UEVLD: variants seen among roughly 807,000 people sequenced by gnomAD.
UEVLD encodes UEV and lactate/malate dehyrogenase domains.
A neutral mutation model predicts 58.6 loss-of-function variants in UEVLD; 47 were observed. That is an observed-to-expected ratio of 0.80 (90% CI 0.63 to 1.02). The LOEUF (loss-of-function observed/expected upper bound fraction) is 1.02, where lower values mean the gene tolerates loss of function less well. UEVLD is among the 50% of genes least tolerant of loss of function. The pLI, the probability that UEVLD is intolerant of heterozygous loss-of-function variation, is 0.00. For synonymous variants in UEVLD, 197 were observed against 195.3 expected, an observed-to-expected ratio of 1.01 and a Z score of -0.07; for missense variants, 510 against 550.6, an observed-to-expected ratio of 0.93 and a Z score of 0.74.
At chr11:18,581,306 T>G (rs1480972275) in intron 1 of UEVLD, among the ~76,000 whole-genome samples, 2 of 152,028 alleles carry the variant, frequency 1.3e-5, no homozygotes, top group Admixed American at 1.3e-4. Context: ...AACTACAAAT[T>G]GACACAAAGA....
intron 5 of UEVLD, among the ~76,000 whole-genome samples, chr11:18,565,324 A>C (rs17392588): frequency 0.1 from 15,818 of 152,280 alleles, 813 homozygotes; most frequent in Admixed American, 0.11. Flanking sequence ...CTGGTCTACA[A>C]TAAAAAAATA....
intron 4 of UEVLD, among the ~76,000 whole-genome samples, chr11:18,567,716 T>G (rs1340793988): frequency 6.6e-6 from 1 of 152,246 alleles, no homozygotes; most frequent in East Asian, 1.9e-4. Context: ...CTGGCCTAGA[T>G]GACCTCTAGA....
intron 1 of UEVLD, among the ~76,000 whole-genome samples, chr11:18,582,823 T>C (rs982872357): frequency 4.6e-5 from 7 of 152,156 alleles, no homozygotes; most frequent in Non-Finnish European, 8.8e-5. Flanking sequence ...CTAAAAGTAA[T>C]ACAATTACAT....
chr11:18,534,451 G>A lies in UEVLD; in HGVS notation c.1127C>T (p.Ala376Val). The change falls in exon 11 of 12, where the codon GCC becomes GTC. Residue 376 changes from alanine to valine, a missense_variant and splice_region_variant. Transcript: ENST00000396197. Reference sequence around the variant, plus strand: ...ACCTTTTACTCTTAGCAGTTCCATGGCTCTAGGTTACAAAAATACGTGATC... The same window carrying A: ...ACCTTTTACTCTTAGCAGTTCCATGACTCTAGGTTACAAAAATACGTGATC... ...HTSQVQLSNR[A>V]MELLRVKGQR... The A allele has an allele frequency of 6.4e-7, 1 of 1,562,362 alleles. No homozygotes were observed. The highest frequency in any genetic ancestry group is 8.6e-7 in the Non-Finnish European group (1 of 1,164,526).
intron 5 of UEVLD, 88 bp from the exon 6 acceptor site, chr11:18,565,098 A>C: frequency 1.1e-6 from 1 of 930,558 alleles, no homozygotes; most frequent in Non-Finnish European, 1.6e-6. Flanking sequence ...CAGGCTTCAT[A>C]GCTTAGAGAG....
At chr11:18,560,685 GA>G (rs1355546588) in intron 6 of UEVLD, among the ~76,000 whole-genome samples, 4 of 152,142 alleles carry the variant, frequency 2.6e-5, no homozygotes, top group African/African-American at 9.6e-5. Context: ...ATCAATCCGT[GA>G]AGCATATATT....
chr11:18,577,497 C>T (rs1482882348), intron 2 of UEVLD, among the ~76,000 whole-genome samples: 2 of 152,186 alleles, frequency 1.3e-5, no homozygotes, highest in Non-Finnish European at 2.9e-5. Flanking sequence ...GTACAGGAAA[C>T]ACTATCTCTG....
chr11:18,570,383 T>G lies in UEVLD; in HGVS notation c.194-6A>C. 1 of 1,516,234 alleles carries G rather than the reference T, an allele frequency of 6.6e-7. No individual in the cohort carries two copies. Among genetic ancestry groups the G allele is most frequent in the Non-Finnish European group, 8.8e-7 (1 of 1,138,802 alleles). 93.9% of individuals were successfully genotyped at this position (1,516,234 alleles called of 1,614,324 possible). On this transcript the variant is annotated splice_region_variant and splice_polypyrimidine_tract_variant and intron_variant, in intron 3 of 11. Transcript: ENST00000396197. Reference sequence around the variant, plus strand: ...TGGTATGTTATATGTATTACCTATTTGAGACAAAAGAAACATATCTTCAAA... The same window carrying G: ...TGGTATGTTATATGTATTACCTATTGGAGACAAAAGAAACATATCTTCAAA...
chr11:18,568,458 C>T (rs10219146), intron 4 of UEVLD, among the ~76,000 whole-genome samples: 134,445 of 152,190 alleles, frequency 0.88, 59,414 homozygotes, highest in East Asian at 0.93. Context: ...AAGAAACGTA[C>T]GATTGATAAG....
At chr11:18,534,284 A>AATAG in intron 11 of UEVLD, 46 bp downstream of exon 11, 13 of 1,349,826 alleles carry the variant, frequency 9.6e-6, no homozygotes, top group Non-Finnish European at 1.3e-5. Flanking sequence ...TTGTATTAAT[A>AATAG]ATATCTAAGT....
Position 18,567,081 on chromosome 11 carries a change from A to G in UEVLD, c.358-599T>C, listed in dbSNP as rs138641825. Among the ~76,000 whole-genome samples the G allele has an allele frequency of 3.4e-3, 515 of 152,334 alleles. 4 individuals carry two copies. The highest frequency in any genetic ancestry group is 5.8e-3 in the Admixed American group (89 of 15,278). ...CAAACTGAACAAGTAAACTGCAAAC[A>G]TGATGTCCTTTTACCCCTAAGTACT... On this transcript the variant is annotated intron_variant, in intron 4 of 11. Transcript: ENST00000396197.
chr11:18,557,620 C>A (rs1851813341), intron 7 of UEVLD, among the ~76,000 whole-genome samples: 1 of 149,364 alleles, frequency 6.7e-6, no homozygotes, highest in Non-Finnish European at 1.5e-5. Context: ...TGGCTATTCA[C>A]AGTCACAATC....
At chr11:18,566,254 T>C in intron 5 of UEVLD, 93 bp downstream of exon 5, 2 of 1,544,712 alleles carry the variant, frequency 1.3e-6, no homozygotes, top group Admixed American at 3.9e-5. Flanking sequence ...CACAAATTTA[T>C]TTATAAAAAT....
chr11:18,552,504 A>G (rs1590331840), intron 7 of UEVLD, among the ~76,000 whole-genome samples: 1 of 152,076 alleles, frequency 6.6e-6, no homozygotes, highest in Non-Finnish European at 1.5e-5. Context: ...CCGAGATGGC[A>G]CCACTGCACT....
intron 7 of UEVLD, among the ~76,000 whole-genome samples, chr11:18,551,181 C>A (rs1211418196): frequency 6.6e-6 from 1 of 152,134 alleles, no homozygotes; most frequent in Non-Finnish European, 1.5e-5. Context: ...GTAATCCCAG[C>A]ACTTTGGGAG....
In UEVLD at chr11:18,536,437, TCA is replaced by T; in HGVS notation, c.1091_1092del (p.Val364GlufsTer32). On this transcript the variant is annotated frameshift_variant, in exon 10 of 12. Transcript: ENST00000396197. LOFTEE classifies it high-confidence loss of function. ...GACAGCTGCACTTGAGAGGTATGACTCACTACTTCTTCTTGGCCACTCCATGT... is the reference window on the plus strand; with the variant it reads ...GACAGCTGCACTTGAGAGGTATGACTCTACTTCTTCTTGGCCACTCCATGT... ...VLTWSGQEEVVSHTSQVQLSN... is the reference protein window; with the variant it reads ...VLTWSGQEEVXSHTSQVQLSN... 2 of 1,613,936 alleles carry T rather than the reference TCA, an allele frequency of 1.2e-6. No individual in the cohort carries two copies. Among genetic ancestry groups the T allele is most frequent in the Non-Finnish European group, 1.7e-6 (2 of 1,179,902 alleles).
intron 7 of UEVLD, among the ~76,000 whole-genome samples, chr11:18,556,666 CT>C (rs1471427326): frequency 1.3e-5 from 2 of 151,980 alleles, no homozygotes; most frequent in Admixed American, 6.6e-5. Flanking sequence ...GGCCTTTTTT[CT>C]TTTTTTTGGA....
chr11:18,541,982 C>G (rs1463850994), intron 9 of UEVLD, among the ~76,000 whole-genome samples: 4 of 152,114 alleles, frequency 2.6e-5, no homozygotes, highest in Non-Finnish European at 4.4e-5. Flanking sequence ...TTCCAGCTCT[C>G]TAATAACGTG....
At position 18,588,196 on chromosome 11, in the gene UEVLD, T is replaced by G. The variant is rs754468236; in HGVS notation, c.42+417A>C. 1.4e-4 allele frequency among the ~76,000 whole-genome samples: 19 copies of G among 131,504 alleles called. 1 individual carries two copies. Among genetic ancestry groups the G allele is most frequent in the Non-Finnish European group, 3.0e-4 (19 of 63,058 alleles). The allele number at this position is 131,504 out of a possible 152,430, so 86.3% of individuals were successfully genotyped here. A position where few individuals can be genotyped will look rare whatever the true frequency, so the allele number is the denominator to read the frequency against. Reference sequence around the variant, plus strand: ...ACTCCACAATGTGATAATCGATATCTTTCAAAACAGAAGGGTTGATTCAAT... The same window carrying G: ...ACTCCACAATGTGATAATCGATATCGTTCAAAACAGAAGGGTTGATTCAAT... On this transcript the variant is annotated intron_variant, in intron 1 of 11. Coordinates refer to ENST00000396197, the MANE Select transcript of UEVLD (RefSeq NM_001040697.4).
Sources: gnomAD v4.1 joint callset for allele counts (sites outside exome capture counted in the v4.1 genomes callset) on GRCh38, gnomAD v4.1.1 for gene constraint, MANE v1.5 for transcripts, NCBI Gene and HGNC (gene_info 2026-07-23, HGNC 2026-07-21) for gene names.